The following GADL1 variants were observed in gnomAD, a reference collection of about 807,000 sequenced individuals.
GADL1 encodes the protein acidic amino acid decarboxylase GADL1.
Under a neutral mutation model 69.5 loss-of-function variants are expected in GADL1, and 71 were observed. The ratio of observed to expected loss-of-function variants is 1.02; its 90% CI spans 0.84 to 1.25. The LOEUF (loss-of-function observed/expected upper bound fraction) is 1.25. Among genes scored for constraint, GADL1 ranks in the 50% most tolerant of loss-of-function variants. The probability of loss-of-function intolerance (pLI) is 0.00; values close to 1 mark genes in which losing one functional copy is unlikely to be tolerated. For synonymous variants in GADL1, 254 were observed against 214.4 expected, an observed-to-expected ratio of 1.18 and a Z score of -1.62; for missense variants, 737 against 631.8, an observed-to-expected ratio of 1.17 and a Z score of -1.79.
intron 14 of GADL1, among the ~76,000 whole-genome samples, chr3:30,736,605 A>G (rs1695544963): frequency 6.6e-6 from 1 of 152,180 alleles, no homozygotes; most frequent in African/African-American, 2.4e-5. Flanking sequence ...AACATGAAAT[A>G]ATTTATTTTC....
At chr3:30,739,670 C>A (rs1414077612) in intron 14 of GADL1, among the ~76,000 whole-genome samples, 1 of 152,140 alleles carries the variant, frequency 6.6e-6, no homozygotes, top group African/African-American at 2.4e-5. Context: ...ATCTCAGAGG[C>A]AAAACCTGAA....
intron 14 of GADL1, among the ~76,000 whole-genome samples, chr3:30,730,863 G>T (rs1459087809): frequency 1.3e-5 from 2 of 152,158 alleles, no homozygotes; most frequent in Admixed American, 6.6e-5. Flanking sequence ...GCATGTGTGT[G>T]TGTGTGTGCC....
intron 14 of GADL1, among the ~76,000 whole-genome samples, chr3:30,746,252 C>A (rs1695701587): frequency 1.3e-5 from 2 of 152,118 alleles, no homozygotes; most frequent in African/African-American, 4.8e-5. Context: ...CACAGCCTCC[C>A]AAAGTGCTGA....
chr3:30,827,379 A>ATCTG (rs1697698791), intron 11 of GADL1, among the ~76,000 whole-genome samples: 1 of 151,206 alleles, frequency 6.6e-6, no homozygotes, highest in Non-Finnish European at 1.5e-5. Flanking sequence ...CAGATAGTAC[A>ATCTG]ATCACAATTA....
intron 14 of GADL1, among the ~76,000 whole-genome samples, chr3:30,754,902 AATT>A (rs72440141): frequency 0.25 from 37,246 of 151,862 alleles, 4,895 homozygotes; most frequent in Non-Finnish European, 0.29. Context: ...AGGATTTTTA[AATT>A]ATTCAGTAAC....
chr3:30,867,962 C>T (rs568133255), intron 1 of GADL1, among the ~76,000 whole-genome samples: 102 of 152,114 alleles, frequency 6.7e-4, no homozygotes, highest in African/African-American at 2.3e-3. Context: ...AATTAGAAGA[C>T]CTGCCTTCTC....
chr3:30,844,222 T>A lies in GADL1; in HGVS notation c.774A>T (p.Gln258His), dbSNP rs367699131. The change falls in exon 8 of 15, where the codon CAA (glutamine) becomes CAT (histidine). Residue 258 changes from glutamine (Q) to histidine (H), a missense_variant. Transcript: ENST00000282538. The part of the protein sequence containing the change: ...IPEELEKQVW[Q>H]ARKEGAAPFL... Reference sequence around the variant, plus strand: ...TCTCCCCTCTCACCTCTTTTCTGGCTTGCCAGACTTGCTTCTCCAGTTCCT... The same window carrying A: ...TCTCCCCTCTCACCTCTTTTCTGGCATGCCAGACTTGCTTCTCCAGTTCCT... 3.7e-6 allele frequency: 6 copies of A among 1,612,740 alleles called. No homozygotes were observed. In the African/African-American group the frequency reaches 4.0e-5, roughly 11 times the overall value.
rs552586238 is a variant in GADL1, at chr3:30,872,386, C to T, written c.38-10621G>A. On this transcript the variant is annotated intron_variant, in intron 1 of 14. Coordinates refer to ENST00000282538, the MANE Select transcript of GADL1 (RefSeq NM_207359.3). ...AGTCATAGTTTCTGTTGGCATTTTC[C>T]TCCTCTGACATCTTGGCTGTTTGTC... 8.6e-5 allele frequency among the ~76,000 whole-genome samples: 13 copies of T among 152,008 alleles called. No individual in the cohort carries two copies. The South Asian group carries it at 2.7e-3, about 32-fold the overall frequency.
At chr3:30,758,111 C>A (rs999382266) in intron 14 of GADL1, among the ~76,000 whole-genome samples, 9 of 152,180 alleles carry the variant, frequency 5.9e-5, no homozygotes, top group Non-Finnish European at 1.2e-4. Context: ...CAGCCAAGAG[C>A]AAAACCAAAT....
chr3:30,820,582 A>G (rs1331962987), intron 11 of GADL1, among the ~76,000 whole-genome samples: 1 of 152,198 alleles, frequency 6.6e-6, no homozygotes, highest in African/African-American at 2.4e-5. Context: ...AATAAAATAT[A>G]AAATGTATAA....
chr3:30,751,420 T>C (rs1264034474), intron 14 of GADL1, among the ~76,000 whole-genome samples: 3 of 151,496 alleles, frequency 2.0e-5, no homozygotes, highest in Admixed American at 6.6e-5. Flanking sequence ...CGTTCTTCTG[T>C]TGCTTTGTCT....
intron 14 of GADL1, among the ~76,000 whole-genome samples, chr3:30,769,110 T>C (rs1034092919): frequency 2.6e-5 from 4 of 152,190 alleles, no homozygotes; most frequent in Admixed American, 1.3e-4. Flanking sequence ...TACTGTACTT[T>C]ATTTTCTCTA....
At chr3:30,806,477 G>A (rs1697257523) in intron 11 of GADL1, among the ~76,000 whole-genome samples, 1 of 152,126 alleles carries the variant, frequency 6.6e-6, no homozygotes, top group East Asian at 1.9e-4. Context: ...ATCTGATATT[G>A]GCTTTCTTTA....
At position 30,843,315 on chromosome 3, in the gene GADL1, G is replaced by T. The variant is rs558829248; in HGVS notation, c.786+895C>A. 5.3e-5 allele frequency among the ~76,000 whole-genome samples: 8 copies of T among 149,956 alleles called. No individual in the cohort carries two copies. The East Asian group carries it at 1.6e-3, about 29-fold the overall frequency. On this transcript the variant is annotated intron_variant, in intron 8 of 14. Transcript: ENST00000282538. ...CTGTCTCTCAGGCTGGAGTGCAGTG[G>T]TGCGATTTCAGCTCACTGCAACTTC...
intron 1 of GADL1, among the ~76,000 whole-genome samples, chr3:30,870,931 A>G (rs1434870732): frequency 6.6e-6 from 1 of 151,736 alleles, no homozygotes; most frequent in Non-Finnish European, 1.5e-5. Flanking sequence ...GCTGGGACAT[A>G]GGAAGATCGA....
At chr3:30,743,075 T>C (rs74473072) in intron 14 of GADL1, among the ~76,000 whole-genome samples, 1 of 152,078 alleles carries the variant, frequency 6.6e-6, no homozygotes, top group Non-Finnish European at 1.5e-5. Context: ...TACATAAATT[T>C]TTTTCAACCT....
At chr3:30,763,503 GC>G in intron 14 of GADL1, among the ~76,000 whole-genome samples, 1 of 47,564 alleles carries the variant, frequency 2.1e-5, no homozygotes, top group African/African-American at 8.5e-5. Flanking sequence ...CTCCGTCTCG[GC>G]GGCGGGGGGT....
Position 30,855,630 on chromosome 3 carries a change from G to T in GADL1, c.338-841C>A, listed in dbSNP as rs567721384. ...AATTTTTTTCCCCCCTCCTATAAAA[G>T]GTCTCATAAAGGTTCTTGGCTTTAC... On this transcript the variant is annotated intron_variant, in intron 3 of 14. Coordinates refer to ENST00000282538, the MANE Select transcript of GADL1 (RefSeq NM_207359.3). 3.9e-5 allele frequency among the ~76,000 whole-genome samples: 6 copies of T among 152,012 alleles called. No individual in the cohort carries two copies. In the South Asian group the frequency reaches 1.2e-3, roughly 32 times the overall value.
At chr3:30,891,117 C>A (rs1477725265) in intron 1 of GADL1, among the ~76,000 whole-genome samples, 1 of 151,960 alleles carries the variant, frequency 6.6e-6, no homozygotes, top group African/African-American at 2.4e-5. Context: ...CAGGGTACTG[C>A]CTTATAAAAT....
Sources: allele counts gnomAD v4.1 joint callset (sites outside exome capture counted in the v4.1 genomes callset), GRCh38; gene constraint gnomAD v4.1.1; transcripts MANE v1.5; gene names NCBI Gene and HGNC (gene_info 2026-07-23, HGNC 2026-07-21).